Variants in SH3BP2 observed in about 807,000 individuals in gnomAD.
SH3BP2 encodes SH3 domain binding protein 2.
In SH3BP2, 38 loss-of-function variants were observed where a neutral mutation model predicts 56.2. That is an observed-to-expected ratio of 0.68 (90% CI 0.52 to 0.89). The LOEUF (loss-of-function observed/expected upper bound fraction) is 0.89, where lower values mean the gene tolerates loss of function less well. Among genes scored for constraint, SH3BP2 ranks in the 40% least tolerant of loss-of-function variants. The pLI is 0.00. For missense variants in SH3BP2, 748 were observed against 762.6 expected (o/e 0.98, Z 0.23); for synonymous variants, 346 against 316.7 (o/e 1.09, Z -0.98).
chr4:2,822,142 G>A (rs556424489), intron 2 of SH3BP2, among the ~76,000 whole-genome samples: 1 of 152,162 alleles, frequency 6.6e-6, no homozygotes, highest in Non-Finnish European at 1.5e-5. Flanking sequence ...TGGGATTACA[G>A]GCATGAGCCA....
chr4:2,812,745 T>G (rs1198453564), intron 1 of SH3BP2, among the ~76,000 whole-genome samples: 3 of 142,054 alleles, frequency 2.1e-5, no homozygotes, highest in Non-Finnish European at 3.1e-5. Context: ...CCCCATCACA[T>G]GCGGCCGACA....
At chr4:2,799,028 C>A in intron 1 of SH3BP2, 1 of 985,554 alleles carries the variant, frequency 1.0e-6, no homozygotes, top group Non-Finnish European at 1.2e-6. Context: ...AAGCCGGCGT[C>A]AGGTCATCGA....
chr4:2,825,149 G>A lies in SH3BP2; in HGVS notation c.381G>A (p.Arg127=). ...AGAGCTGGATGGCCTTGCTGCGCAGGGAGATTGGCCACTTCCACGAAAAGA... is the reference window on the plus strand; with the variant it reads ...AGAGCTGGATGGCCTTGCTGCGCAGAGAGATTGGCCACTTCCACGAAAAGA... The part of the protein sequence containing the change: ...ERKSWMALLR[R]EIGHFHEKKD... Residue 127 remains arginine, a synonymous_variant, in exon 5 of 13, where the codon AGG becomes AGA. Coordinates refer to ENST00000503393, the MANE Select transcript of SH3BP2 (RefSeq NM_001122681.2). 7 of 1,581,644 alleles carry A rather than the reference G, an allele frequency of 4.4e-6. No homozygotes were observed. In the South Asian group the frequency reaches 8.1e-5, roughly 18 times the overall value.
At chr4:2,795,126 T>A (rs997913918) in intron 1 of SH3BP2, among the ~76,000 whole-genome samples, 5 of 152,202 alleles carry the variant, frequency 3.3e-5, no homozygotes, top group African/African-American at 1.2e-4. Context: ...TGGTGACATG[T>A]GCTTGGTATT....
intron 1 of SH3BP2, among the ~76,000 whole-genome samples, chr4:2,801,315 C>T (rs924645734): frequency 2.0e-5 from 3 of 152,212 alleles, no homozygotes; most frequent in Non-Finnish European, 4.4e-5. Context: ...AGGACAGGAG[C>T]CAGCGGGCAT....
intron 3 of SH3BP2, 128 bp downstream of exon 3, chr4:2,823,165 C>T (rs1724402336): frequency 1.4e-6 from 1 of 727,460 alleles, no homozygotes; most frequent in Admixed American, 2.0e-5. Flanking sequence ...GCCTTCGTGC[C>T]CATCCCCTGT....
At chr4:2,814,545 T>C (rs1723909340) in intron 1 of SH3BP2, among the ~76,000 whole-genome samples, 1 of 152,086 alleles carries the variant, frequency 6.6e-6, no homozygotes, top group South Asian at 2.1e-4. Flanking sequence ...CAGGCTCAAA[T>C]GCAAATCTCC....
rs1404503964 is a variant in SH3BP2 at position 2,839,427 on chromosome 4, C to G, written c.*5593C>G. On this transcript the variant is annotated 3_prime_UTR_variant, in exon 13 of 13. Coordinates refer to ENST00000503393, the MANE Select transcript of SH3BP2 (RefSeq NM_001122681.2). ...TCAAGCGATCTGCTGGCCTCAGCCT[C>G]CCAAAGTTGGGATTATAGGCGTGAG... 7 of 152,132 alleles carry G rather than the reference C, an allele frequency of 4.6e-5. No homozygotes were observed. Among genetic ancestry groups the G allele is most frequent in the African/African-American group, 1.7e-4 (7 of 41,430 alleles). 9.4% of individuals were successfully genotyped at this position (152,132 alleles called of 1,614,324 possible).
At position 2,809,810 on chromosome 4, in the gene SH3BP2, G is replaced by C. The variant is rs1723673318; in HGVS notation, c.-4-10804G>C. ...CCTTGGCCCTCTGCCTGCCCTGCTG[G>C]CTGGCTCCCACTCATCCTGGTAAGT... is the stretch of plus-strand genomic sequence containing the variant. On this transcript the variant is annotated intron_variant, in intron 1 of 12. Transcript: ENST00000503393. 1.6e-5 allele frequency: 16 copies of C among 985,612 alleles called. No individual in the cohort carries two copies. The South Asian group carries it at 7.0e-4, about 43-fold the overall frequency. The allele number at this position is 985,612 out of a possible 1,614,324, so 61.1% of individuals were successfully genotyped here.
In SH3BP2 at chr4:2,829,511, C is replaced by T. The variant is rs921887620; in HGVS notation, c.605C>T (p.Pro202Leu). 19 of 1,613,492 alleles carry T rather than the reference C, an allele frequency of 1.2e-5. No homozygotes were observed. Among genetic ancestry groups the T allele is most frequent in the East Asian group, 2.2e-5 (1 of 44,888 alleles). ...GRLEDALMHP[P>L]AYPPPPVPTP... is the part of the protein sequence containing the mutation. ...TCTGCAGATGCCCTGATGCACCCAC[C>T]GGCTTACCCACCACCCCCAGTGCCC... Residue 202 changes from proline to leucine, a missense_variant, in exon 8 of 13, where the codon CCG becomes CTG. Transcript: ENST00000503393. This position sits in a 1 kb window ranked among gnomAD's most constrained non-coding sequence, Gnocchi z 4.9.
chr4:2,799,108 C>G, intron 1 of SH3BP2: 5 of 985,628 alleles, frequency 5.1e-6, no homozygotes, highest in Non-Finnish European at 6.0e-6. Context: ...CACCCGTACC[C>G]GCCCTGCCTC....
intron 1 of SH3BP2, among the ~76,000 whole-genome samples, chr4:2,796,880 CGGCACAGAGCTTCTCTCA>C (rs1329740355): frequency 1.3e-5 from 2 of 152,218 alleles, no homozygotes; most frequent in African/African-American, 4.8e-5. Flanking sequence ...CCGAGGGAAG[CGGCACAGAGCTTCTCTCA>C]GGCACCAGAG....
At chr4:2,800,737 G>A (rs1169644215) in intron 1 of SH3BP2, among the ~76,000 whole-genome samples, 1 of 152,190 alleles carries the variant, frequency 6.6e-6, no homozygotes, top group Non-Finnish European at 1.5e-5. Flanking sequence ...ACCCCTCTGA[G>A]GAAGGACCTG....
At chr4:2,796,136 C>A (rs1723054331) in intron 1 of SH3BP2, among the ~76,000 whole-genome samples, 1 of 152,190 alleles carries the variant, frequency 6.6e-6, no homozygotes, top group South Asian at 2.1e-4. Context: ...CACTTCCTGA[C>A]CCTCAGTTTC....
At chr4:2,812,271 C>G in intron 1 of SH3BP2, 1 of 1,539,294 alleles carries the variant, frequency 6.5e-7, no homozygotes, top group Admixed American at 2.0e-5. Flanking sequence ...GGGGAGGAAG[C>G]ACCGGCGGCC....
chr4:2,823,531 G>A (rs1418389448), intron 3 of SH3BP2: 1 of 456,458 alleles, frequency 2.2e-6, no homozygotes, highest in Admixed American at 2.4e-5. Context: ...ATCCAGTGAT[G>A]GGCCATGAGC....
chr4:2,813,679 T>A (rs1419631053), intron 1 of SH3BP2, among the ~76,000 whole-genome samples: 1 of 152,134 alleles, frequency 6.6e-6, no homozygotes, highest in Non-Finnish European at 1.5e-5. Flanking sequence ...TGTGTGTGTG[T>A]GAATGAGTGC....
rs761047234 is a variant in SH3BP2, at chr4:2,832,364, C to G, written c.1440C>G (p.Pro480=). The G allele has an allele frequency of 8.1e-6, 13 of 1,613,978 alleles. No individual in the cohort carries two copies. In the Admixed American group the frequency reaches 1.5e-4, roughly 19 times the overall value. Residue 480 remains proline, a synonymous_variant, in exon 11 of 13, where the codon CCC becomes CCG. Transcript: ENST00000503393. The part of the protein sequence containing the change: ...LFKATSPRGE[P]QDGLYCIRNS... ...AGGCTACAAGCCCCCGGGGAGAGCC[C>G]CAGGATGGACTCTACTGCATCCGGA...
chr4:2,806,762 C>T (rs1723552168), intron 1 of SH3BP2, among the ~76,000 whole-genome samples: 2 of 152,258 alleles, frequency 1.3e-5, no homozygotes, highest in African/African-American at 2.4e-5. Context: ...CGGGCAGTCC[C>T]GACTCCCATG....
Sources: allele counts gnomAD v4.1 joint callset (sites outside exome capture counted in the v4.1 genomes callset), GRCh38; gene constraint gnomAD v4.1.1; non-coding constraint Gnocchi (gnomAD v3.1); transcripts MANE v1.5; gene names NCBI Gene and HGNC (gene_info 2026-07-23, HGNC 2026-07-21).